LMX1A: variants seen among roughly 807,000 people sequenced by gnomAD.
LMX1A encodes LIM homeobox transcription factor 1-alpha.
A neutral mutation model predicts 49.1 loss-of-function variants in LMX1A; 15 were observed. The ratio of observed to expected loss-of-function variants is 0.31; its 90% confidence interval spans 0.20 to 0.47. The LOEUF is 0.47. LMX1A is among the 20% of genes least tolerant of loss of function. The pLI is 1.00. For missense variants in LMX1A, 372 were observed against 475.8 expected (o/e 0.78, Z 2.03); for synonymous variants, 167 against 185.7 (o/e 0.90, Z 0.82).
intron 3 of LMX1A, among the ~76,000 whole-genome samples, chr1:165,312,795 C>G (rs1447929921): frequency 6.6e-6 from 1 of 152,210 alleles, no homozygotes; most frequent in African/African-American, 2.4e-5. Context: ...ACAAACCATC[C>G]TTGCTGAGCC....
intron 3 of LMX1A, among the ~76,000 whole-genome samples, chr1:165,315,121 G>T (rs1440399054): frequency 6.6e-6 from 1 of 152,136 alleles, no homozygotes; most frequent in African/African-American, 2.4e-5. Flanking sequence ...TCTCTCATTA[G>T]GGCTGTTCTC....
chr1:165,207,827 G>C (rs536865121), intron 7 of LMX1A, among the ~76,000 whole-genome samples: 142 of 152,318 alleles, frequency 9.3e-4, no homozygotes, highest in African/African-American at 3.3e-3. Context: ...GGACGCTGTG[G>C]ATAAGGTCAG....
rs1185272187 is a variant in LMX1A at position 165,203,924 on chromosome 1, T to C, written c.1105A>G (p.Ile369Val). ...GPLQSRVGNPIDHLYSMQNSY... is the reference protein window; with the variant it reads ...GPLQSRVGNPVDHLYSMQNSY... ...TTCTGCATGGAGTACAGATGGTCAA[T>C]GGGGTTTCCCACTCTGGACTGCAGA... The change falls in exon 9 of 9, where the codon ATT (isoleucine) becomes GTT (valine). Residue 369 changes from isoleucine to valine, a missense_variant. Transcript: ENST00000342310. 1.2e-6 allele frequency: 2 copies of C among 1,614,008 alleles called. No homozygotes were observed. Among genetic ancestry groups the C allele is most frequent in the Non-Finnish European group, 1.7e-6 (2 of 1,180,014 alleles).
chr1:165,311,819 C>T (rs1655086061), intron 3 of LMX1A, among the ~76,000 whole-genome samples: 1 of 152,310 alleles, frequency 6.6e-6, no homozygotes, highest in Middle Eastern at 3.4e-3. Flanking sequence ...CTATAAGGCC[C>T]AATTCCCTCA....
chr1:165,269,080 C>G (rs1455598151), intron 3 of LMX1A, among the ~76,000 whole-genome samples: 1 of 152,198 alleles, frequency 6.6e-6, no homozygotes, highest in Non-Finnish European at 1.5e-5. Flanking sequence ...TTTCCTGTTT[C>G]ACCACTTACT....
chr1:165,250,782 G>T lies in LMX1A; in HGVS notation c.264-1142C>A, dbSNP rs1653028594. Reference sequence around the variant, plus strand: ...GTACAGAGGGGAAAACAACTAACCTGCAGGGAGTGAGCAGGGGGTGCATTT... The same window carrying T: ...GTACAGAGGGGAAAACAACTAACCTTCAGGGAGTGAGCAGGGGGTGCATTT... On this transcript the variant is annotated intron_variant, in intron 3 of 8. Coordinates refer to ENST00000342310, the MANE Select transcript of LMX1A (RefSeq NM_177398.4). Among the ~76,000 whole-genome samples the T allele has an allele frequency of 2.6e-5, 4 of 152,318 alleles. No homozygotes were observed. In the South Asian group the frequency reaches 8.3e-4, roughly 32 times the overall value.
chr1:165,229,164 C>T (rs1351303305), intron 4 of LMX1A, among the ~76,000 whole-genome samples: 1 of 151,238 alleles, frequency 6.6e-6, no homozygotes, highest in African/African-American at 2.4e-5. Flanking sequence ...GATACAATGC[C>T]TTCCCACCAC....
chr1:165,226,858 A>G (rs1443955882), intron 4 of LMX1A, among the ~76,000 whole-genome samples: 2 of 152,224 alleles, frequency 1.3e-5, no homozygotes, highest in Admixed American at 6.5e-5. Context: ...GGATCCTCAC[A>G]CTTCCATCAT....
At chr1:165,228,664 C>T (rs530356985) in intron 4 of LMX1A, among the ~76,000 whole-genome samples, 1 of 152,146 alleles carries the variant, frequency 6.6e-6, no homozygotes, top group African/African-American at 2.4e-5. Flanking sequence ...TTCCTTGAAC[C>T]TAGCTTTGTA....
intron 4 of LMX1A, among the ~76,000 whole-genome samples, chr1:165,222,064 C>G (rs973156611): frequency 6.6e-6 from 1 of 152,088 alleles, no homozygotes; most frequent in African/African-American, 2.4e-5. Context: ...CTGATAAGCA[C>G]AGGTGTATAC....
intron 3 of LMX1A, among the ~76,000 whole-genome samples, chr1:165,350,057 A>G (rs1656373341): frequency 1.3e-5 from 2 of 150,864 alleles, no homozygotes; most frequent in African/African-American, 4.9e-5. Context: ...CTGCCTGCAT[A>G]TTCATTTTTT....
intron 3 of LMX1A, among the ~76,000 whole-genome samples, chr1:165,325,461 ATG>A (rs61491320): frequency 0.036 from 5,485 of 150,828 alleles, 333 homozygotes; most frequent in African/African-American, 0.13. Flanking sequence ...GTATATACAT[ATG>A]TGTGTGTGTG....
intron 4 of LMX1A, among the ~76,000 whole-genome samples, chr1:165,236,492 A>G (rs1266648451): frequency 6.6e-6 from 1 of 152,014 alleles, no homozygotes; most frequent in Non-Finnish European, 1.5e-5. Flanking sequence ...TCCAATAAAC[A>G]ATAATTTCTG....
At chr1:165,320,499 A>G (rs1040469431) in intron 3 of LMX1A, among the ~76,000 whole-genome samples, 2 of 151,686 alleles carry the variant, frequency 1.3e-5, no homozygotes, top group East Asian at 3.8e-4. Flanking sequence ...AAAAGAAGAG[A>G]CTGTGTCTGC....
At chr1:165,303,115 A>G (rs963632691) in intron 3 of LMX1A, among the ~76,000 whole-genome samples, 2 of 152,236 alleles carry the variant, frequency 1.3e-5, no homozygotes, top group Non-Finnish European at 2.9e-5. Context: ...AGACTTTTCA[A>G]GCTTTGAGGA....
At chr1:165,269,399 T>C (rs1368421325) in intron 3 of LMX1A, among the ~76,000 whole-genome samples, 1 of 152,242 alleles carries the variant, frequency 6.6e-6, no homozygotes, top group South Asian at 2.1e-4. Context: ...ACATCTCCCC[T>C]GGTGACCCTT....
intron 4 of LMX1A, among the ~76,000 whole-genome samples, chr1:165,248,330 G>A (rs916960676): frequency 6.6e-6 from 1 of 152,156 alleles, no homozygotes; most frequent in South Asian, 2.1e-4. Context: ...GAGGCCAAAG[G>A]GATGGATAGA....
In LMX1A at chr1:165,208,132, T is replaced by C. The variant is rs148303583; in HGVS notation, c.748A>G (p.Met250Val). ...QVWFQNQRAK[M>V]KKLARRQQQQ... ...TGCTGTCGCCTGGCCAGCTTCTTCATCTGATAAGGAGAGGACCATAGGATT... is the reference window on the plus strand; with the variant it reads ...TGCTGTCGCCTGGCCAGCTTCTTCACCTGATAAGGAGAGGACCATAGGATT... The change falls in exon 7 of 9, where the codon ATG (methionine) becomes GTG (valine). Residue 250 changes from methionine (M) to valine (V), a missense_variant and splice_region_variant. Around this residue, in one of 3 missense-constraint regions of LMX1A, gnomAD observed 46 missense variants for 93.8 expected, o/e 0.49. Coordinates refer to ENST00000342310, the MANE Select transcript of LMX1A (RefSeq NM_177398.4). 6.2e-7 allele frequency: 1 copy of C among 1,613,906 alleles called. No homozygotes were observed. The highest frequency in any genetic ancestry group is 1.7e-5 in the Admixed American group (1 of 60,006).
intron 4 of LMX1A, among the ~76,000 whole-genome samples, chr1:165,222,444 T>C (rs983158710): frequency 6.6e-6 from 1 of 152,250 alleles, no homozygotes; most frequent in Admixed American, 6.5e-5. Context: ...CATCTCTCTT[T>C]GGAGTAGTCC....
Sources: gnomAD v4.1 joint callset for allele counts (sites outside exome capture counted in the v4.1 genomes callset) on GRCh38, gnomAD v4.1.1 for gene constraint, gnomAD v4.1.1 regional missense constraint, MANE v1.5 for transcripts, NCBI Gene and HGNC (gene_info 2026-07-23, HGNC 2026-07-21) for gene names.